WWOX: variants seen among roughly 807,000 people sequenced by gnomAD.
WWOX encodes the protein WW domain-containing oxidoreductase.
Under a neutral mutation model 46.2 loss-of-function variants are expected in WWOX, and 69 were observed. The observed-to-expected ratio is 1.49, with a 90% CI of 1.23 to 1.82. WWOX has a LOEUF of 1.82. WWOX is among the 40% of genes most tolerant of loss of function. The pLI, the probability that WWOX is intolerant of heterozygous loss-of-function variation, is 0.00. For synonymous variants in WWOX, 359 were observed against 202.6 expected, an observed-to-expected ratio of 1.77 and a Z score of -6.56; for missense variants, 919 against 542.6, an observed-to-expected ratio of 1.69 and a Z score of -6.89.
Position 78,673,997 on chromosome 16 carries a change from A to C in WWOX, c.1056+241245A>C, listed in dbSNP as rs146764302. Among the ~76,000 whole-genome samples the C allele has an allele frequency of 2.3e-3, 344 of 152,248 alleles. 1 individual carries two copies. The highest frequency in any genetic ancestry group is 7.9e-3 in the African/African-American group (330 of 41,568). On this transcript the variant is annotated intron_variant, in intron 8 of 8. Coordinates refer to ENST00000566780, the MANE Select transcript of WWOX (RefSeq NM_016373.4). ...GTACTAGCTTGGAGAAGTTTACTAA[A>C]ACCTGCAAGAGACCGCTTGAAATTT...
At chr16:78,801,043 TTCTC>T (rs2050872298) in intron 8 of WWOX, among the ~76,000 whole-genome samples, 2 of 151,968 alleles carry the variant, frequency 1.3e-5, no homozygotes, top group South Asian at 4.1e-4. Flanking sequence ...TTTGTTGTCA[TTCTC>T]TCTCTACCTC....
chr16:78,910,887 A>G (rs2045092531), intron 8 of WWOX, among the ~76,000 whole-genome samples: 2 of 152,100 alleles, frequency 1.3e-5, no homozygotes, highest in African/African-American at 4.8e-5. Flanking sequence ...GACACAGCCA[A>G]ACCATATCAG....
At chr16:79,166,012 A>C (rs558904461) in intron 8 of WWOX, among the ~76,000 whole-genome samples, 1 of 152,190 alleles carries the variant, frequency 6.6e-6, no homozygotes, top group South Asian at 2.1e-4. Context: ...TGTCATTTTC[A>C]TAACTATCTG....
chr16:78,599,474 C>G (rs1012771048), intron 8 of WWOX, among the ~76,000 whole-genome samples: 2 of 152,212 alleles, frequency 1.3e-5, no homozygotes, highest in African/African-American at 2.4e-5. Flanking sequence ...CAGGCAGCCC[C>G]TCTGACTGGT....
intron 8 of WWOX, among the ~76,000 whole-genome samples, chr16:78,768,622 C>T (rs895905540): frequency 2.0e-5 from 3 of 151,666 alleles, no homozygotes; most frequent in Non-Finnish European, 2.9e-5. Context: ...TTTGGAGCTT[C>T]CTAATTTCTA....
chr16:78,423,012 A>G (rs1211637128), intron 6 of WWOX, among the ~76,000 whole-genome samples: 1 of 151,624 alleles, frequency 6.6e-6, no homozygotes, highest in South Asian at 2.1e-4. Context: ...TAGCCTCCCA[A>G]GTAGCTGGGA....
chr16:79,094,854 G>T (rs576948705), intron 8 of WWOX, among the ~76,000 whole-genome samples: 3 of 152,110 alleles, frequency 2.0e-5, no homozygotes, highest in South Asian at 4.1e-4. Context: ...GAGCCAACAG[G>T]TTTACACTGT....
intron 8 of WWOX, among the ~76,000 whole-genome samples, chr16:78,928,700 G>C (rs1016369793): frequency 6.6e-6 from 1 of 152,114 alleles, no homozygotes; most frequent in Non-Finnish European, 1.5e-5. Flanking sequence ...TGATCAGTTG[G>C]TATATTTGGC....
chr16:78,755,172 A>C (rs1207480749), intron 8 of WWOX, among the ~76,000 whole-genome samples: 1 of 151,842 alleles, frequency 6.6e-6, no homozygotes, highest in East Asian at 1.9e-4. Context: ...CTATGTAACA[A>C]GGCTGCATGT....
At chr16:78,689,334 T>C (rs930605113) in intron 8 of WWOX, among the ~76,000 whole-genome samples, 1 of 152,240 alleles carries the variant, frequency 6.6e-6, no homozygotes. Flanking sequence ...GCTCATGCTC[T>C]CTAAACACCC....
intron 8 of WWOX, among the ~76,000 whole-genome samples, chr16:78,852,130 G>C (rs2052458893): frequency 6.6e-6 from 1 of 152,134 alleles, no homozygotes. Context: ...TGAAATGTTA[G>C]AGTTCAACCT....
chr16:78,453,394 G>C (rs374802422), intron 8 of WWOX, among the ~76,000 whole-genome samples: 29 of 151,056 alleles, frequency 1.9e-4, no homozygotes, highest in African/African-American at 6.6e-4. Flanking sequence ...CAGCACTTCA[G>C]CCTGGGCGCA....
chr16:78,389,664 G>C (rs183900524), intron 6 of WWOX, among the ~76,000 whole-genome samples: 2 of 152,126 alleles, frequency 1.3e-5, no homozygotes, highest in African/African-American at 4.8e-5. Flanking sequence ...TTTATCCAAG[G>C]CATGTGGAAT....
chr16:78,711,211 C>T (rs959148994), intron 8 of WWOX, among the ~76,000 whole-genome samples: 4 of 152,162 alleles, frequency 2.6e-5, no homozygotes, highest in African/African-American at 9.7e-5. Context: ...CTGGAAGCCT[C>T]TAAGTGTGCA....
intron 8 of WWOX, chr16:78,892,241 C>G (rs201023489): frequency 1.3e-5 from 2 of 152,138 alleles, no homozygotes; most frequent in Non-Finnish European, 2.9e-5. Flanking sequence ...GCAACCCTAG[C>G]TCCTCTTTAA....
At chr16:78,443,326 A>G (rs112178205) in intron 8 of WWOX, among the ~76,000 whole-genome samples, 1 of 151,906 alleles carries the variant, frequency 6.6e-6, no homozygotes, top group Non-Finnish European at 1.5e-5. Flanking sequence ...AAAAAACCCA[A>G]AACTATATGT....
chr16:78,328,924 C>T (rs1274478752), intron 5 of WWOX, among the ~76,000 whole-genome samples: 3 of 152,050 alleles, frequency 2.0e-5, no homozygotes, highest in South Asian at 4.2e-4. Flanking sequence ...TGCAGTGGTG[C>T]GATCTCAGCT....
At chr16:78,262,812 C>G (rs576057202) in intron 5 of WWOX, among the ~76,000 whole-genome samples, 1 of 152,272 alleles carries the variant, frequency 6.6e-6, no homozygotes, top group Admixed American at 6.5e-5. Flanking sequence ...GGGGAGGTGA[C>G]AGCCTGAGAA....
intron 5 of WWOX, chr16:78,278,772 T>C (rs751591357): frequency 1.2e-5 from 12 of 975,990 alleles, no homozygotes; most frequent in Non-Finnish European, 1.9e-5. Context: ...GACAGACATG[T>C]ACGATTTGCA....
Sources: allele counts gnomAD v4.1 joint callset (sites outside exome capture counted in the v4.1 genomes callset), GRCh38; gene constraint gnomAD v4.1.1; transcripts MANE v1.5; gene names NCBI Gene and HGNC (gene_info 2026-07-23, HGNC 2026-07-21).